Variants in UBR2 observed in about 807,000 individuals in gnomAD.
UBR2 encodes the protein E3 ubiquitin-protein ligase UBR2.
Under a neutral mutation model 247.9 loss-of-function variants are expected in UBR2, and 92 were observed. The ratio of observed to expected loss-of-function variants is 0.37; its 90% CI spans 0.31 to 0.44. The LOEUF (loss-of-function observed/expected upper bound fraction) is 0.44, where lower values mean the gene tolerates loss of function less well. Ranked by LOEUF, UBR2 falls within the 20% of genes least tolerant of loss-of-function variation. The pLI is 1.00. For missense variants in UBR2, 1,613 were observed against 2,112.6 expected, an observed-to-expected ratio of 0.76 and a Z score of 4.64; for synonymous variants, 672 against 693.5, an observed-to-expected ratio of 0.97 and a Z score of 0.49.
At chr6:42,619,441 A>ATTTTTTTTTTTTT (rs1219290729) in intron 11 of UBR2, 7 of 26,640 alleles carry the variant, frequency 2.6e-4, no homozygotes, top group Non-Finnish European at 3.6e-4. Context: ...ATATATATAT[A>ATTTTTTTTTTTTT]TATATATATA....
intron 21 of UBR2, 43 bp downstream of exon 21, chr6:42,645,633 C>G (rs1562352407): frequency 1.3e-6 from 2 of 1,596,408 alleles, no homozygotes; most frequent in Admixed American, 3.5e-5. Flanking sequence ...AGAAACTTTT[C>G]CCTGCCTATC....
intron 1 of UBR2, among the ~76,000 whole-genome samples, chr6:42,568,760 T>C (rs1437774328): frequency 1.3e-5 from 2 of 152,144 alleles, no homozygotes; most frequent in African/African-American, 4.8e-5. Flanking sequence ...AAAATATTTA[T>C]CCATGTTGTA....
chr6:42,670,257 T>C lies in UBR2; in HGVS notation c.4030+17T>C, dbSNP rs1641123120. 1 of 1,609,068 alleles carries C rather than the reference T, an allele frequency of 6.2e-7. No individual in the cohort carries two copies. Among genetic ancestry groups the C allele is most frequent in the African/African-American group, 1.3e-5 (1 of 74,860 alleles). ...AAAGCATAGGTAAGAGATTTACAGCTGTTTCTCTATAAGTCACAAGCATTC... is the reference window on the plus strand; with the variant it reads ...AAAGCATAGGTAAGAGATTTACAGCCGTTTCTCTATAAGTCACAAGCATTC... On this transcript the variant is annotated intron_variant, in intron 35 of 46. Coordinates refer to ENST00000372901, the MANE Select transcript of UBR2 (RefSeq NM_001363705.2).
intron 42 of UBR2, among the ~76,000 whole-genome samples, chr6:42,682,016 G>C (rs1582726924): frequency 2.0e-5 from 3 of 152,314 alleles, no homozygotes; most frequent in Admixed American, 2.0e-4. Context: ...GGAGGTTGCA[G>C]TGAGCCAAGA....
In UBR2 at chr6:42,638,120, T is replaced by C. The variant is rs1796218287; in HGVS notation, c.1858+926T>C. Among the ~76,000 whole-genome samples, 4 of 152,318 alleles carry C rather than the reference T, an allele frequency of 2.6e-5. No homozygotes were observed. The South Asian group carries it at 8.3e-4, about 32-fold the overall frequency. ...TTGACAGAATTCACCAGTGAAGTCA[T>C]CTCATCTGATGCTTTAGGTTTTGGA... is the stretch of plus-strand genomic sequence containing the variant. On this transcript the variant is annotated intron_variant, in intron 15 of 46. Coordinates refer to ENST00000372901, the MANE Select transcript of UBR2 (RefSeq NM_001363705.2).
intron 15 of UBR2, among the ~76,000 whole-genome samples, chr6:42,638,546 G>C (rs1206938302): frequency 6.6e-6 from 1 of 152,064 alleles, no homozygotes; most frequent in Non-Finnish European, 1.5e-5. Flanking sequence ...AATCATGATC[G>C]TAAGAAGAAA....
intron 21 of UBR2, among the ~76,000 whole-genome samples, chr6:42,647,417 TA>T (rs750938791): frequency 0.051 from 5,152 of 101,322 alleles, 117 homozygotes; most frequent in Non-Finnish European, 0.069. Flanking sequence ...CCATCGCTAC[TA>T]AAAAAAAAAA....
chr6:42,646,022 C>T lies in UBR2; in HGVS notation c.2409+432C>T, dbSNP rs376072069. Among the ~76,000 whole-genome samples the T allele has an allele frequency of 3.9e-5, 6 of 152,226 alleles. No homozygotes were observed. The East Asian group carries it at 7.7e-4, about 20-fold the overall frequency. On this transcript the variant is annotated intron_variant, in intron 21 of 46. Transcript: ENST00000372901. The stretch of plus-strand genomic sequence containing the variant: ...TTTCCTAAGCTTTTTCCTTCTTGGC[C>T]TCCAGAGAGTCTTCTTAATGACGAG...
chr6:42,599,441 A>G (rs1263574758), intron 4 of UBR2, among the ~76,000 whole-genome samples: 2 of 152,174 alleles, frequency 1.3e-5, no homozygotes, highest in Non-Finnish European at 2.9e-5. Context: ...CTTGAGTTTT[A>G]GAAAGATAAA....
At position 42,614,426 on chromosome 6, in the gene UBR2, A is replaced by ACATACG. The variant is rs1562312273; in HGVS notation, c.986-645_986-644insCATACG. 4.2e-4 allele frequency among the ~76,000 whole-genome samples: 63 copies of ACATACG among 148,486 alleles called. 2 individuals are homozygous for ACATACG. Among genetic ancestry groups the ACATACG allele is most frequent in the African/African-American group, 1.4e-3 (58 of 40,126 alleles). ...TACGTATGTATGTACGTACGTACAT[A>ACATACG]TATATGTATGTACGTACATATATAT... On this transcript the variant is annotated intron_variant, in intron 8 of 46. Coordinates refer to ENST00000372901, the MANE Select transcript of UBR2 (RefSeq NM_001363705.2).
intron 42 of UBR2, among the ~76,000 whole-genome samples, chr6:42,681,405 C>T (rs183028230): frequency 3.9e-5 from 6 of 151,900 alleles, no homozygotes; most frequent in Admixed American, 2.0e-4. Context: ...AGAATTCCTA[C>T]AACAACAACA....
intron 33 of UBR2, among the ~76,000 whole-genome samples, chr6:42,665,826 C>A: frequency 6.7e-6 from 1 of 148,496 alleles, no homozygotes; most frequent in East Asian, 2.0e-4. Flanking sequence ...ACTCACCTTA[C>A]TGTTGGCATT....
At chr6:42,668,568 T>A (rs1798255433) in intron 34 of UBR2, among the ~76,000 whole-genome samples, 2 of 152,084 alleles carry the variant, frequency 1.3e-5, no homozygotes, top group South Asian at 4.1e-4. Flanking sequence ...GCCTCCCAAG[T>A]AGCTGGGATT....
intron 10 of UBR2, 113 bp from the exon 11 acceptor site, chr6:42,617,296 G>C: frequency 1.2e-6 from 2 of 1,614,056 alleles, no homozygotes; most frequent in Non-Finnish European, 1.7e-6. Context: ...GAGCAGTGTC[G>C]GTGACTGCTC....
chr6:42,587,579 A>G (rs921286041), intron 2 of UBR2, among the ~76,000 whole-genome samples: 1 of 152,000 alleles, frequency 6.6e-6, no homozygotes, highest in Non-Finnish European at 1.5e-5. Flanking sequence ...GCTGGTCTCA[A>G]ACTCCTGGGC....
intron 2 of UBR2, among the ~76,000 whole-genome samples, chr6:42,584,147 C>T (rs2151911491): frequency 6.6e-6 from 1 of 152,024 alleles, no homozygotes; most frequent in South Asian, 2.1e-4. Flanking sequence ...TGGGCATGCA[C>T]CACCATGCCC....
chr6:42,571,242 C>CAAAAA (rs774925925), intron 1 of UBR2, among the ~76,000 whole-genome samples: 7 of 39,134 alleles, frequency 1.8e-4, no homozygotes, highest in Middle Eastern at 0.017. Flanking sequence ...GACTCCGTCT[C>CAAAAA]AAAAAAAAAA....
rs754351013 is a variant in UBR2, at chr6:42,663,466, G to A, written c.3698+47G>A. The A allele has an allele frequency of 4.0e-6, 6 of 1,512,362 alleles. No individual in the cohort carries two copies. In the East Asian group the frequency reaches 7.3e-5, roughly 19 times the overall value. The allele number at this position is 1,512,362 out of a possible 1,614,324, so 93.7% of individuals were successfully genotyped here. On this transcript the variant is annotated intron_variant, in intron 32 of 46. Coordinates refer to ENST00000372901, the MANE Select transcript of UBR2 (RefSeq NM_001363705.2). ...CTATTACAAAGCAATAGTTTGCTTTGAAGATAATGAAATAATAAATCAAGG... is the reference window on the plus strand; with the variant it reads ...CTATTACAAAGCAATAGTTTGCTTTAAAGATAATGAAATAATAAATCAAGG...
intron 5 of UBR2, among the ~76,000 whole-genome samples, chr6:42,604,421 A>G (rs1793569713): frequency 6.6e-6 from 1 of 152,038 alleles, no homozygotes; most frequent in Non-Finnish European, 1.5e-5. Context: ...TTGCTTTCTC[A>G]ATTGTGTTTC....
Sources: allele counts gnomAD v4.1 joint callset (sites outside exome capture counted in the v4.1 genomes callset), GRCh38; gene constraint gnomAD v4.1.1; transcripts MANE v1.5; gene names NCBI Gene and HGNC (gene_info 2026-07-23, HGNC 2026-07-21).